Variants in CRIPTO observed in about 807,000 individuals in gnomAD.
CRIPTO encodes protein Cripto.
the CRIPTO span, chr3:46,577,385 A>C: frequency 6.4e-6 from 1 of 155,166 alleles, no homozygotes; most frequent in Non-Finnish European, 1.4e-5. Flanking sequence ...GGTGGAAGCA[A>C]ATTTCAGGAA....
the CRIPTO span, chr3:46,581,972 A>T: frequency 6.5e-6 from 1 of 152,780 alleles, no homozygotes. Flanking sequence ...TCTCTTTAAA[A>T]GGAAAGAAAA....
At chr3:46,582,357 A>G in the CRIPTO span, 1 of 152,248 alleles carries the variant, frequency 6.6e-6, no homozygotes, top group Non-Finnish European at 1.5e-5. Context: ...TTCACAATAT[A>G]TTTAGTTGTA....
the CRIPTO span, chr3:46,580,001 T>G: frequency 6.2e-7 from 1 of 1,614,152 alleles, no homozygotes; most frequent in African/African-American, 1.3e-5. Flanking sequence ...AAGTGTTCCC[T>G]GTGTAAATGC....
the CRIPTO span, among the ~76,000 whole-genome samples, chr3:46,576,061 C>G: frequency 6.6e-6 from 1 of 152,156 alleles, no homozygotes; most frequent in Non-Finnish European, 1.5e-5. Context: ...AGGCGAAGCG[C>G]AGCAGGAATG....
chr3:46,578,832 T>C, the CRIPTO span, among the ~76,000 whole-genome samples: 3 of 152,168 alleles, frequency 2.0e-5, no homozygotes, highest in South Asian at 2.1e-4. Flanking sequence ...ATAAAAGACA[T>C]ATACCTACTT....
At chr3:46,575,574 T>G in the CRIPTO span, among the ~76,000 whole-genome samples, 1 of 152,182 alleles carries the variant, frequency 6.6e-6, no homozygotes, top group African/African-American at 2.4e-5. Flanking sequence ...TCTGGTCCCG[T>G]CAATGACAAC....
At chr3:46,575,587 C>T in the CRIPTO span, among the ~76,000 whole-genome samples, 2 of 152,306 alleles carry the variant, frequency 1.3e-5, no homozygotes, top group Non-Finnish European at 1.5e-5. Flanking sequence ...ATGACAACAT[C>T]GCCAGACTGG....
chr3:46,578,283 G>A, the CRIPTO span, among the ~76,000 whole-genome samples: 5,339 of 149,466 alleles, frequency 0.036, 214 homozygotes, highest in East Asian at 0.16. Context: ...ATAAAGGTCA[G>A]TACTACAACC....
the CRIPTO span, chr3:46,577,269 C>T: frequency 6.6e-6 from 1 of 152,430 alleles, no homozygotes; most frequent in African/African-American, 2.4e-5. Flanking sequence ...TAGTCTTCCC[C>T]ACACACACAC....
the CRIPTO span, chr3:46,579,810 C>G: frequency 6.2e-7 from 1 of 1,613,878 alleles, no homozygotes; most frequent in Non-Finnish European, 8.5e-7. Context: ...TGCCTGCCCT[C>G]CCTCCTTCTA....
the CRIPTO span, among the ~76,000 whole-genome samples, chr3:46,576,800 T>C: frequency 1.3e-5 from 2 of 152,120 alleles, no homozygotes; most frequent in African/African-American, 4.8e-5. Flanking sequence ...ACCCGGAGGA[T>C]TGAAATGTTA....
At chr3:46,581,260 A>T in the CRIPTO span, 2 of 1,591,898 alleles carry the variant, frequency 1.3e-6, no homozygotes, top group Non-Finnish European at 1.7e-6. Flanking sequence ...ATCGACATTG[A>T]CCTATTTCCA....
the CRIPTO span, chr3:46,581,043 C>G: frequency 1.1e-6 from 1 of 949,346 alleles, no homozygotes; most frequent in Non-Finnish European, 1.7e-6. Context: ...AGCAGGTTCA[C>G]AGTAGCGTAT....
chr3:46,579,826 G>C, the CRIPTO span: 1 of 1,613,986 alleles, frequency 6.2e-7, no homozygotes, highest in South Asian at 1.1e-5. Context: ...TTCTACGGAC[G>C]GAACTGTGAG....
chr3:46,580,054 G>C, the CRIPTO span: 3 of 1,614,126 alleles, frequency 1.9e-6, no homozygotes, highest in African/African-American at 1.3e-5. Context: ...ATTTCTACCC[G>C]GCTGTGGTAA....
At chr3:46,576,564 A>T in the CRIPTO span, among the ~76,000 whole-genome samples, 1 of 150,698 alleles carries the variant, frequency 6.6e-6, no homozygotes, top group African/African-American at 2.4e-5. Flanking sequence ...CATGGCATTC[A>T]CACAGGTAGG....
At chr3:46,577,925 T>G in the CRIPTO span, 1 of 1,606,532 alleles carries the variant, frequency 6.2e-7, no homozygotes. Context: ...TGACTCTGAA[T>G]TAAAGCGATG....
the CRIPTO span, chr3:46,581,315 G>C: frequency 8.1e-7 from 1 of 1,238,276 alleles, no homozygotes; most frequent in South Asian, 1.2e-5. Flanking sequence ...ACCAGTAAAG[G>C]CTGCTGCTAC....
the CRIPTO span, among the ~76,000 whole-genome samples, chr3:46,578,765 C>T: frequency 1.3e-5 from 2 of 152,098 alleles, no homozygotes; most frequent in Admixed American, 6.6e-5. Flanking sequence ...TGGGATGCAG[C>T]TATTTTTTAA....
Sources: gnomAD v4.1 joint callset for allele counts (sites outside exome capture counted in the v4.1 genomes callset) on GRCh38, gnomAD v4.1.1 for gene constraint, MANE v1.5 for transcripts, NCBI Gene and HGNC (gene_info 2026-07-23, HGNC 2026-07-21) for gene names.